The following MDGA2 variants were observed in gnomAD, a reference collection of about 807,000 sequenced individuals.
MDGA2 encodes MAM domain containing glycosylphosphatidylinositol anchor 2, also known as MAM domain-containing glycosylphosphatidylinositol anchor protein 2.
MDGA2 carries 40 observed loss-of-function variants against 117.8 expected under a neutral mutation model. The ratio of observed to expected loss-of-function variants is 0.34; its 90% CI spans 0.26 to 0.44. MDGA2 has a LOEUF of 0.44. MDGA2 is among the 20% of genes least tolerant of loss of function. The pLI, the probability that MDGA2 is intolerant of heterozygous loss-of-function variation, is 1.00. For missense variants in MDGA2, 1,123 were observed against 1,250.6 expected (o/e 0.90, Z 1.54); for synonymous variants, 452 against 439.0 (o/e 1.03, Z -0.37).
At chr14:46,904,784 C>T (rs1883426035) in intron 10 of MDGA2, among the ~76,000 whole-genome samples, 1 of 152,142 alleles carries the variant, frequency 6.6e-6, no homozygotes, top group Admixed American at 6.5e-5. Flanking sequence ...TCCTTAAACT[C>T]CTAAGATGAA....
chr14:47,495,579 T>A (rs1303965737), intron 1 of MDGA2, among the ~76,000 whole-genome samples: 1 of 152,172 alleles, frequency 6.6e-6, no homozygotes, highest in African/African-American at 2.4e-5. Context: ...CTATTTGCCA[T>A]CTTCATGGTT....
chr14:47,647,956 A>T (rs1454441518), intron 1 of MDGA2, among the ~76,000 whole-genome samples: 2 of 152,180 alleles, frequency 1.3e-5, no homozygotes, highest in African/African-American at 4.8e-5. Context: ...GTATTAAATT[A>T]TTACAGATGC....
chr14:47,312,359 C>T (rs1889662307), intron 1 of MDGA2, among the ~76,000 whole-genome samples: 1 of 152,062 alleles, frequency 6.6e-6, no homozygotes, highest in African/African-American at 2.4e-5. Context: ...TCTGGCCTCT[C>T]CACAAGCACT....
intron 10 of MDGA2, among the ~76,000 whole-genome samples, chr14:46,906,130 G>C (rs964648387): frequency 2.0e-5 from 3 of 151,878 alleles, no homozygotes; most frequent in African/African-American, 4.8e-5. Context: ...GCTAGATACT[G>C]TACTGTAGAA....
At chr14:47,175,830 T>C (rs1434325821) in intron 3 of MDGA2, among the ~76,000 whole-genome samples, 1 of 150,694 alleles carries the variant, frequency 6.6e-6, no homozygotes, top group Non-Finnish European at 1.5e-5. Context: ...AAATAAAGGG[T>C]ATTCAATTAG....
intron 1 of MDGA2, among the ~76,000 whole-genome samples, chr14:47,314,673 C>T (rs1889750847): frequency 1.3e-5 from 2 of 149,364 alleles, no homozygotes. Flanking sequence ...AAGATTCTGT[C>T]TCAAAAAAAA....
chr14:46,865,706 A>T (rs1022997541), intron 14 of MDGA2, among the ~76,000 whole-genome samples: 2 of 152,056 alleles, frequency 1.3e-5, no homozygotes, highest in Non-Finnish European at 1.5e-5. Context: ...CAGGATACAA[A>T]ATCGATGTAC....
chr14:47,411,121 A>G (rs959704949), intron 1 of MDGA2, among the ~76,000 whole-genome samples: 2 of 152,146 alleles, frequency 1.3e-5, no homozygotes, highest in Non-Finnish European at 2.9e-5. Flanking sequence ...TCTTCTGCAA[A>G]TGGAAGTAAT....
intron 1 of MDGA2, among the ~76,000 whole-genome samples, chr14:47,388,153 G>A (rs539938219): frequency 6.6e-6 from 1 of 151,986 alleles, no homozygotes; most frequent in Non-Finnish European, 1.5e-5. Context: ...TTTGTATTTT[G>A]TTTCCTTTCT....
intron 8 of MDGA2, among the ~76,000 whole-genome samples, chr14:46,969,597 GTT>G (rs1886176429): frequency 2.6e-5 from 4 of 152,054 alleles, no homozygotes; most frequent in Middle Eastern, 3.4e-3. Context: ...TGATGGGGTT[GTT>G]TGTTTTTTTC....
intron 9 of MDGA2, among the ~76,000 whole-genome samples, chr14:46,921,787 A>G (rs1420899577): frequency 1.3e-5 from 2 of 152,220 alleles, no homozygotes; most frequent in East Asian, 3.8e-4. Context: ...AGACAGCTAG[A>G]GGTTTTAATT....
rs932561637 is a variant in MDGA2, at chr14:46,933,495, T to C, written c.2090-13335A>G. Among the ~76,000 whole-genome samples the C allele has an allele frequency of 1.8e-4, 27 of 151,678 alleles. No homozygotes were observed. The East Asian group carries it at 4.9e-3, about 27-fold the overall frequency. On this transcript the variant is annotated intron_variant, in intron 9 of 16. Coordinates refer to ENST00000399232, the MANE Select transcript of MDGA2 (RefSeq NM_001113498.3). The stretch of plus-strand genomic sequence containing the variant: ...TCTATATAATATACCTATCAGAACA[T>C]TGGGCAAAATATAAGTGTTTAATAA...
chr14:46,998,897 T>C (rs963830800), intron 8 of MDGA2, among the ~76,000 whole-genome samples: 19 of 152,096 alleles, frequency 1.2e-4, no homozygotes, highest in African/African-American at 3.9e-4. Flanking sequence ...GTTTTTCCTA[T>C]ATAATGTTAA....
At chr14:47,497,715 C>T (rs1299071666) in intron 1 of MDGA2, among the ~76,000 whole-genome samples, 1 of 152,010 alleles carries the variant, frequency 6.6e-6, no homozygotes, top group Non-Finnish European at 1.5e-5. Context: ...AGATTATGCT[C>T]TAGTTAAAGT....
chr14:47,042,282 A>G (rs1174713886), intron 7 of MDGA2, among the ~76,000 whole-genome samples: 1 of 150,330 alleles, frequency 6.7e-6, no homozygotes, highest in Admixed American at 6.7e-5. Context: ...AAATTTGTAG[A>G]TGCAAATAAT....
At chr14:47,187,174 GA>G (rs917038779) in intron 3 of MDGA2, among the ~76,000 whole-genome samples, 8 of 148,372 alleles carry the variant, frequency 5.4e-5, no homozygotes, top group South Asian at 2.1e-4. Flanking sequence ...AAATATGAAA[GA>G]AAAAAAAACG....
chr14:47,628,820 T>A (rs1897200845), intron 1 of MDGA2, among the ~76,000 whole-genome samples: 1 of 152,262 alleles, frequency 6.6e-6, no homozygotes, highest in Non-Finnish European at 1.5e-5. Flanking sequence ...AAGCGTAGCT[T>A]TAGAAAGTCT....
In MDGA2 at chr14:47,614,154, A is replaced by G. The variant is rs556375289; in HGVS notation, c.280+60363T>C. Among the ~76,000 whole-genome samples, 256 of 134,286 alleles carry G rather than the reference A, an allele frequency of 1.9e-3. 2 individuals are homozygous for G. Among genetic ancestry groups the G allele is most frequent in the African/African-American group, 6.9e-3 (241 of 34,910 alleles). 88.1% of individuals were successfully genotyped at this position (134,286 alleles called of 152,430 possible). Reference sequence around the variant, plus strand: ...AAAAAAAAAGTGGTGCAATGGTGCGATCTCAGCTCACTGCAACCTCTGCCT... The same window carrying G: ...AAAAAAAAAGTGGTGCAATGGTGCGGTCTCAGCTCACTGCAACCTCTGCCT... On this transcript the variant is annotated intron_variant, in intron 1 of 16. Coordinates refer to ENST00000399232, the MANE Select transcript of MDGA2 (RefSeq NM_001113498.3).
intron 3 of MDGA2, among the ~76,000 whole-genome samples, chr14:47,163,222 C>T (rs1256338929): frequency 6.6e-6 from 1 of 152,224 alleles, no homozygotes; most frequent in Non-Finnish European, 1.5e-5. Flanking sequence ...GAACTGGAGA[C>T]AATCTCCCTG....
Sources: gnomAD v4.1 joint callset for allele counts (sites outside exome capture counted in the v4.1 genomes callset) on GRCh38, gnomAD v4.1.1 for gene constraint, MANE v1.5 for transcripts, NCBI Gene and HGNC (gene_info 2026-07-23, HGNC 2026-07-21) for gene names.